Variants in FAAH2 observed in about 807,000 individuals in gnomAD.
The protein encoded by FAAH2 is fatty acid amide hydrolase 2.
In FAAH2, 60 loss-of-function variants were observed where a neutral mutation model predicts 36.9. The observed-to-expected ratio is 1.63, with a 90% CI of 1.32 to 2.02. The LOEUF (loss-of-function observed/expected upper bound fraction) is 2.02, where lower values mean the gene tolerates loss of function less well. Ranked by LOEUF, FAAH2 falls within the 30% of genes most tolerant of loss-of-function variation. The pLI is 0.00. For synonymous variants in FAAH2, 214 were observed against 143.8 expected (o/e 1.49, Z -3.49); for missense variants, 689 against 397.5 (o/e 1.73, Z -6.23).
the FAAH2 span, among the ~76,000 whole-genome samples, chrX:57,206,734 G>C: frequency 8.0e-5 from 9 of 112,103 alleles, no homozygotes; most frequent in African/African-American, 2.9e-4. Context: ...ACTATTAAAG[G>C]CCAATTTCTT....
At chrX:57,357,255 A>G (rs1174534077) in intron 5 of FAAH2, among the ~76,000 whole-genome samples, 2 of 111,502 alleles carry the variant, frequency 1.8e-5, no homozygotes, top group African/African-American at 6.5e-5. Flanking sequence ...AGGCAATACC[A>G]TTCAGGACAT....
intron 7 of FAAH2, among the ~76,000 whole-genome samples, chrX:57,382,291 C>T (rs945424497): frequency 9.0e-6 from 1 of 111,225 alleles, no homozygotes; most frequent in African/African-American, 3.3e-5. Flanking sequence ...CAAACACATT[C>T]AAAAGCTAGC....
intron 3 of FAAH2, among the ~76,000 whole-genome samples, chrX:57,323,942 T>G (rs1201011058): frequency 9.0e-6 from 1 of 111,394 alleles, no homozygotes; most frequent in Non-Finnish European, 1.9e-5. Context: ...TGGTATTGCC[T>G]AGGTTTTCTT....
At chrX:57,262,761 A>T in the FAAH2 span, among the ~76,000 whole-genome samples, 1 of 111,835 alleles carries the variant, frequency 8.9e-6, no homozygotes. Context: ...ATAATTATAC[A>T]CTATGACCAA....
intron 5 of FAAH2, among the ~76,000 whole-genome samples, chrX:57,345,250 A>G (rs2053791208): frequency 1.9e-5 from 2 of 106,765 alleles, no homozygotes; most frequent in African/African-American, 6.9e-5. Flanking sequence ...TCAGCTGTGA[A>G]TCCATCTGGT....
At chrX:57,195,202 G>A in the FAAH2 span, among the ~76,000 whole-genome samples, 1 of 111,866 alleles carries the variant, frequency 8.9e-6, no homozygotes, top group African/African-American at 3.2e-5. Context: ...TTCCCATAGT[G>A]ATCGTACTAG....
At chrX:57,196,932 G>A in the FAAH2 span, among the ~76,000 whole-genome samples, 4 of 111,684 alleles carry the variant, frequency 3.6e-5, no homozygotes, top group South Asian at 7.5e-4. Flanking sequence ...CTCATGCAAG[G>A]TCAGGGATGT....
intron 10 of FAAH2, among the ~76,000 whole-genome samples, chrX:57,462,502 A>G (rs2056978236): frequency 8.9e-6 from 1 of 112,213 alleles, no homozygotes; most frequent in African/African-American, 3.2e-5. Flanking sequence ...GGCTTGTTCA[A>G]CATACGCAAA....
At chrX:57,337,142 A>G (rs2053571519) in intron 4 of FAAH2, among the ~76,000 whole-genome samples, 1 of 110,399 alleles carries the variant, frequency 9.1e-6, no homozygotes, top group Non-Finnish European at 1.9e-5. Context: ...TAGAAAATTT[A>G]GAAGAAATGG....
chrX:57,158,165 A>G, the FAAH2 span, among the ~76,000 whole-genome samples: 1 of 111,781 alleles, frequency 8.9e-6, no homozygotes, highest in Non-Finnish European at 1.9e-5. Context: ...ATGTCCCTAC[A>G]AAGGACATGA....
chrX:57,484,031 C>T (rs900300184), intron 10 of FAAH2, among the ~76,000 whole-genome samples: 1 of 109,831 alleles, frequency 9.1e-6, no homozygotes, highest in Non-Finnish European at 1.9e-5. Flanking sequence ...TCTCGAACTC[C>T]TGACCTCAAG....
chrX:57,280,669 A>G, the FAAH2 span, among the ~76,000 whole-genome samples: 3 of 111,219 alleles, frequency 2.7e-5, no homozygotes, highest in Non-Finnish European at 5.7e-5. Context: ...AAAAACACTA[A>G]AAATGCATCT....
At chrX:57,421,863 C>G (rs1423699549) in intron 7 of FAAH2, among the ~76,000 whole-genome samples, 1 of 111,565 alleles carries the variant, frequency 9.0e-6, no homozygotes, top group Admixed American at 9.5e-5. Flanking sequence ...CCCAATAAGT[C>G]TAGAGTAGTT....
At chrX:57,203,241 A>G in the FAAH2 span, among the ~76,000 whole-genome samples, 1 of 112,336 alleles carries the variant, frequency 8.9e-6, no homozygotes. Flanking sequence ...CTTATGGGAA[A>G]CAAAGGGATG....
chrX:57,472,707 T>C (rs2057192496), intron 10 of FAAH2, among the ~76,000 whole-genome samples: 1 of 111,178 alleles, frequency 9.0e-6, no homozygotes, highest in Non-Finnish European at 1.9e-5. Flanking sequence ...TTTTACTTGT[T>C]TGTGGTCTGT....
intron 7 of FAAH2, among the ~76,000 whole-genome samples, chrX:57,425,718 A>T (rs764654926): frequency 8.9e-6 from 1 of 111,740 alleles, no homozygotes; most frequent in Non-Finnish European, 1.9e-5. Flanking sequence ...CAGAGTTCTA[A>T]ATAAGGATAA....
the FAAH2 span, among the ~76,000 whole-genome samples, chrX:57,216,288 C>A: frequency 9.6e-6 from 1 of 104,666 alleles, no homozygotes. Flanking sequence ...CCATGCTTCT[C>A]CACAAGTCCC....
chrX:57,345,216 T>C (rs1354583719), intron 5 of FAAH2, among the ~76,000 whole-genome samples: 1 of 107,750 alleles, frequency 9.3e-6, no homozygotes, highest in Non-Finnish European at 1.9e-5. Context: ...TCCCTTCCCT[T>C]TCTTTTTGCA....
chrX:57,373,206 C>G (rs895501205), intron 5 of FAAH2, among the ~76,000 whole-genome samples: 7 of 111,278 alleles, frequency 6.3e-5, no homozygotes, highest in African/African-American at 2.3e-4. Flanking sequence ...GCAAGTATCT[C>G]TTTCTTATAA....
Sources: gnomAD v4.1 joint callset for allele counts (sites outside exome capture counted in the v4.1 genomes callset) on GRCh38, gnomAD v4.1.1 for gene constraint, MANE v1.5 for transcripts, NCBI Gene and HGNC (gene_info 2026-07-23, HGNC 2026-07-21) for gene names.